The following CATSPERT variants were observed in gnomAD, a reference collection of about 807,000 sequenced individuals.
The protein encoded by CATSPERT is catsper channel auxiliary subunit tau, also known as cation channel sperm-associated targeting subunit tau.
the CATSPERT span, among the ~76,000 whole-genome samples, chr2:201,506,833 G>A: frequency 6.7e-3 from 1,016 of 152,332 alleles, 25 homozygotes; most frequent in East Asian, 0.047. Flanking sequence ...GATTACAGGC[G>A]TGAGCCACCG....
chr2:201,570,360 C>T, the CATSPERT span, among the ~76,000 whole-genome samples: 1 of 152,064 alleles, frequency 6.6e-6, no homozygotes, highest in Non-Finnish European at 1.5e-5. Flanking sequence ...ATATGGAGTA[C>T]ATTCCTGAGA....
the CATSPERT span, among the ~76,000 whole-genome samples, chr2:201,583,225 G>A: frequency 1.3e-5 from 2 of 152,120 alleles, no homozygotes; most frequent in Non-Finnish European, 2.9e-5. Context: ...GGTCTTGAAA[G>A]GCAAAGAACA....
chr2:201,493,498 T>C, the CATSPERT span: 1 of 1,536,988 alleles, frequency 6.5e-7, no homozygotes, highest in African/African-American at 1.4e-5. Context: ...TTTATCTAAT[T>C]CTATCACTTT....
the CATSPERT span, among the ~76,000 whole-genome samples, chr2:201,602,253 T>C: frequency 6.6e-6 from 1 of 152,272 alleles, no homozygotes; most frequent in South Asian, 2.1e-4. Flanking sequence ...GATTAACCTA[T>C]TTTTAATTTT....
chr2:201,538,582 C>T, the CATSPERT span, among the ~76,000 whole-genome samples: 1 of 152,062 alleles, frequency 6.6e-6, no homozygotes, highest in African/African-American at 2.4e-5. Flanking sequence ...TTATGGTACT[C>T]TATGACCAGT....
At chr2:201,614,354 A>C in the CATSPERT span, among the ~76,000 whole-genome samples, 1 of 152,228 alleles carries the variant, frequency 6.6e-6, no homozygotes, top group African/African-American at 2.4e-5. Context: ...GACTAACAGC[A>C]GATCTCTTGG....
chr2:201,585,660 A>T, the CATSPERT span, among the ~76,000 whole-genome samples: 1 of 152,192 alleles, frequency 6.6e-6, no homozygotes, highest in Non-Finnish European at 1.5e-5. Context: ...ATATTAGTTG[A>T]GGGTGATAAA....
At chr2:201,581,900 T>C in the CATSPERT span, among the ~76,000 whole-genome samples, 88 of 151,976 alleles carry the variant, frequency 5.8e-4, no homozygotes, top group Non-Finnish European at 9.7e-4. Context: ...GAAAATAAAT[T>C]TTTAGAAACA....
chr2:201,548,562 C>G, the CATSPERT span, among the ~76,000 whole-genome samples: 1 of 151,760 alleles, frequency 6.6e-6, no homozygotes, highest in Non-Finnish European at 1.5e-5. Flanking sequence ...CAATATCTTC[C>G]ACAATAAAAC....
At chr2:201,615,988 C>A in the CATSPERT span, among the ~76,000 whole-genome samples, 4 of 152,008 alleles carry the variant, frequency 2.6e-5, no homozygotes, top group Admixed American at 6.6e-5. Flanking sequence ...ACACATACAC[C>A]CTCCCAAGAC....
the CATSPERT span, chr2:201,535,179 G>A: frequency 3.0e-6 from 3 of 984,488 alleles, no homozygotes; most frequent in Non-Finnish European, 3.6e-6. Context: ...TTGAAATTTG[G>A]GAGAGAATTT....
the CATSPERT span, among the ~76,000 whole-genome samples, chr2:201,531,868 C>T: frequency 1.3e-5 from 2 of 152,210 alleles, no homozygotes; most frequent in Non-Finnish European, 2.9e-5. Flanking sequence ...GAAGTTTGGA[C>T]TTTATTCCAG....
At chr2:201,595,906 C>CAAAAAA in the CATSPERT span, among the ~76,000 whole-genome samples, 1 of 142,086 alleles carries the variant, frequency 7.0e-6, no homozygotes, top group African/African-American at 2.7e-5. Flanking sequence ...ACTAAAAACT[C>CAAAAAA]AAAAAAAAAA....
At chr2:201,596,368 TA>T in the CATSPERT span, among the ~76,000 whole-genome samples, 3 of 152,106 alleles carry the variant, frequency 2.0e-5, no homozygotes, top group African/African-American at 7.2e-5. Flanking sequence ...AGGTGGGAGC[TA>T]AATGATTAGA....
chr2:201,615,248 T>C, the CATSPERT span, among the ~76,000 whole-genome samples: 1 of 152,182 alleles, frequency 6.6e-6, no homozygotes, highest in Non-Finnish European at 1.5e-5. Context: ...ATCAACAGAA[T>C]ATACATTCTT....
At chr2:201,546,506 T>C in the CATSPERT span, among the ~76,000 whole-genome samples, 8 of 152,260 alleles carry the variant, frequency 5.3e-5, no homozygotes, top group African/African-American at 1.7e-4. Context: ...AAAGAAGATA[T>C]ACAAATGTCC....
the CATSPERT span, among the ~76,000 whole-genome samples, chr2:201,583,413 A>G: frequency 6.6e-6 from 1 of 152,188 alleles, no homozygotes; most frequent in African/African-American, 2.4e-5. Context: ...GGTCCCTAAT[A>G]AGCTATAAAC....
the CATSPERT span, among the ~76,000 whole-genome samples, chr2:201,607,188 G>C: frequency 0.43 from 64,802 of 151,844 alleles, 14,325 homozygotes; most frequent in Non-Finnish European, 0.49. Flanking sequence ...CCGATCTTTC[G>C]GATTTGGGTA....
the CATSPERT span, among the ~76,000 whole-genome samples, chr2:201,586,717 T>C: frequency 6.6e-6 from 1 of 150,402 alleles, no homozygotes; most frequent in Non-Finnish European, 1.5e-5. Flanking sequence ...TTTATACCTA[T>C]ATTCCAAATT....
Sources: allele counts gnomAD v4.1 joint callset (sites outside exome capture counted in the v4.1 genomes callset), GRCh38; gene constraint gnomAD v4.1.1; transcripts MANE v1.5; gene names NCBI Gene and HGNC (gene_info 2026-07-23, HGNC 2026-07-21).